Variants in USP14 observed in about 807,000 individuals in gnomAD.
USP14 encodes ubiquitin carboxyl-terminal hydrolase 14.
In USP14, 38 loss-of-function variants were observed where a neutral mutation model predicts 76.5. That is an observed-to-expected ratio of 0.50 (90% CI 0.38 to 0.65). The LOEUF is 0.65. Among genes scored for constraint, USP14 ranks in the 30% least tolerant of loss-of-function variants. USP14 has a pLI of 0.00. For missense variants in USP14, 467 were observed against 586.5 expected (o/e 0.80, Z 2.10); for synonymous variants, 192 against 191.7 (o/e 1.00, Z -0.01).
chr18:173,676 G>A (rs1310073231), intron 3 of USP14, among the ~76,000 whole-genome samples: 2 of 152,116 alleles, frequency 1.3e-5, no homozygotes, highest in African/African-American at 2.4e-5. Flanking sequence ...GCCCACCTCG[G>A]CCTCCCAAAG....
chr18:171,878 A>G (rs947207796), intron 3 of USP14, among the ~76,000 whole-genome samples: 3 of 152,180 alleles, frequency 2.0e-5, no homozygotes, highest in Non-Finnish European at 4.4e-5. Context: ...ACCCTCATGG[A>G]TGACTTTGGG....
chr18:192,957 C>A, intron 6 of USP14, 57 bp downstream of exon 6: 1 of 1,460,260 alleles, frequency 6.8e-7, no homozygotes, highest in Non-Finnish European at 9.5e-7. Flanking sequence ...ATTTTTCGCT[C>A]ACAATCCTTT....
At chr18:179,537 C>T in intron 4 of USP14, among the ~76,000 whole-genome samples, 1 of 148,444 alleles carries the variant, frequency 6.7e-6, no homozygotes. Flanking sequence ...TTTTTAACAC[C>T]TAGCATTTAT....
chr18:207,506 C>G (rs769505016), intron 13 of USP14, among the ~76,000 whole-genome samples: 3 of 144,366 alleles, frequency 2.1e-5, no homozygotes, highest in Non-Finnish European at 4.7e-5. Context: ...TGGCAAAACC[C>G]TGTCTCCACA....
intron 2 of USP14, among the ~76,000 whole-genome samples, chr18:163,882 T>A (rs988307384): frequency 9.2e-5 from 14 of 151,966 alleles, no homozygotes; most frequent in Non-Finnish European, 1.3e-4. Flanking sequence ...TTCCAGTGTC[T>A]TTTGTTCCTG....
At chr18:205,744 G>A (rs1910511174) in intron 13 of USP14, among the ~76,000 whole-genome samples, 1 of 152,140 alleles carries the variant, frequency 6.6e-6, no homozygotes, top group Admixed American at 6.5e-5. Flanking sequence ...TTGTGCCACA[G>A]CACTCCAACC....
intron 2 of USP14, among the ~76,000 whole-genome samples, chr18:165,021 T>C (rs1466955911): frequency 6.6e-6 from 1 of 152,072 alleles, no homozygotes; most frequent in Non-Finnish European, 1.5e-5. Flanking sequence ...CCATCTCGGC[T>C]AACTGCAACC....
intron 2 of USP14, among the ~76,000 whole-genome samples, chr18:166,461 T>G (rs975734599): frequency 1.3e-5 from 2 of 151,946 alleles, no homozygotes; most frequent in African/African-American, 4.8e-5. Context: ...GCCTCCCGAG[T>G]AGCTGGAATT....
At chr18:206,622 C>A (rs1430482527) in intron 13 of USP14, among the ~76,000 whole-genome samples, 1 of 152,114 alleles carries the variant, frequency 6.6e-6, no homozygotes, top group Non-Finnish European at 1.5e-5. Flanking sequence ...TTGCCGGGCT[C>A]GGCATGGTGG....
At chr18:189,010 C>T (rs1317278233) in intron 5 of USP14, among the ~76,000 whole-genome samples, 1 of 152,056 alleles carries the variant, frequency 6.6e-6, no homozygotes, top group Non-Finnish European at 1.5e-5. Context: ...TTATTCTCTT[C>T]TAAAGTCAGT....
rs1187222155 is a variant in USP14, at chr18:199,303, C to T, written c.863C>T (p.Thr288Ile). 1 of 1,611,404 alleles carries T rather than the reference C, an allele frequency of 6.2e-7. No homozygotes were observed. The highest frequency in any genetic ancestry group is 8.5e-7 in the Non-Finnish European group (1 of 1,177,820). ...AATCAGGAAGTCAAGTATCTTTTTA[C>T]AGGACTTAAATTGGTAAGGACAATC... The part of the protein sequence containing the change: ...FINQEVKYLF[T>I]GLKLRLQEEI... The change falls in exon 10 of 16, where the codon ACA (threonine) becomes ATA (isoleucine). Residue 288 changes from threonine to isoleucine, a missense_variant. Coordinates refer to ENST00000261601, the MANE Select transcript of USP14 (RefSeq NM_005151.4).
chr18:186,628 C>T (rs1380839596), intron 5 of USP14, among the ~76,000 whole-genome samples: 1 of 151,592 alleles, frequency 6.6e-6, no homozygotes, highest in Non-Finnish European at 1.5e-5. Context: ...TGGCAGGCGC[C>T]TATAATCCCA....
At chr18:173,249 AG>A (rs1909519573) in intron 3 of USP14, among the ~76,000 whole-genome samples, 1 of 151,664 alleles carries the variant, frequency 6.6e-6, no homozygotes, top group Non-Finnish European at 1.5e-5. Context: ...CTGGGACTAC[AG>A]GTGCCTGCCA....
At chr18:181,699 G>A (rs1338967889) in intron 5 of USP14, among the ~76,000 whole-genome samples, 7 of 151,686 alleles carry the variant, frequency 4.6e-5, no homozygotes, top group East Asian at 1.9e-4. Context: ...TTGATGGTAC[G>A]TTTGTAATGC....
intron 13 of USP14, among the ~76,000 whole-genome samples, chr18:205,303 C>G (rs1910499452): frequency 6.6e-6 from 1 of 152,134 alleles, no homozygotes; most frequent in Non-Finnish European, 1.5e-5. Flanking sequence ...TACTTATCTC[C>G]TCAAAGTACT....
At chr18:158,871 T>C in intron 1 of USP14, 157 bp downstream of exon 1, 1 of 1,159,222 alleles carries the variant, frequency 8.6e-7, no homozygotes, top group Non-Finnish European at 1.1e-6. Flanking sequence ...CACCGTCCCC[T>C]CTCCCGGCTG....
intron 14 of USP14, 79 bp downstream of exon 14, chr18:210,110 A>C: frequency 8.6e-7 from 1 of 1,159,842 alleles, no homozygotes. Context: ...CCCCATATTT[A>C]CTTATTCTGA....
chr18:193,084 C>T (rs1598274997), intron 6 of USP14, among the ~76,000 whole-genome samples, 184 bp downstream of exon 6: 1 of 152,218 alleles, frequency 6.6e-6, no homozygotes, highest in Non-Finnish European at 1.5e-5. Context: ...TCAATGATGT[C>T]TGTCGTTTGT....
At chr18:176,612 G>T (rs1006932779) in intron 3 of USP14, among the ~76,000 whole-genome samples, 12 of 151,734 alleles carry the variant, frequency 7.9e-5, no homozygotes, top group Non-Finnish European at 1.3e-4. Context: ...GTATAGTTTT[G>T]CCCCTAGTTT....
Sources: gnomAD v4.1 joint callset for allele counts (sites outside exome capture counted in the v4.1 genomes callset) on GRCh38, gnomAD v4.1.1 for gene constraint, MANE v1.5 for transcripts, NCBI Gene and HGNC (gene_info 2026-07-23, HGNC 2026-07-21) for gene names.